RABGAP1L: variants seen among roughly 807,000 people sequenced by gnomAD.
The protein encoded by RABGAP1L is rab GTPase-activating protein 1-like.
A neutral mutation model predicts 137.7 loss-of-function variants in RABGAP1L; 63 were observed. The ratio of observed to expected loss-of-function variants is 0.46; its 90% CI spans 0.37 to 0.56. RABGAP1L has a LOEUF of 0.56. Ranked by LOEUF, RABGAP1L falls within the 20% of genes least tolerant of loss-of-function variation. The pLI is 0.00. For synonymous variants in RABGAP1L, 431 were observed against 433.7 expected (o/e 0.99, Z 0.08); for missense variants, 1,095 against 1,244.0 (o/e 0.88, Z 1.80).
chr1:174,546,264 A>G (rs956201362), intron 13 of RABGAP1L, among the ~76,000 whole-genome samples: 1 of 152,224 alleles, frequency 6.6e-6, no homozygotes, highest in Non-Finnish European at 1.5e-5. Context: ...ACTATAACCA[A>G]GTGGGTGAGA....
intron 17 of RABGAP1L, among the ~76,000 whole-genome samples, chr1:174,749,342 G>GT (rs1260215308): frequency 1.4e-5 from 2 of 147,806 alleles, no homozygotes; most frequent in Non-Finnish European, 3.0e-5. Flanking sequence ...CTTTTTGTTT[G>GT]TTTTTTGAGA....
intron 13 of RABGAP1L, among the ~76,000 whole-genome samples, chr1:174,546,281 A>C (rs917547479): frequency 4.6e-5 from 7 of 152,358 alleles, no homozygotes; most frequent in Non-Finnish European, 8.8e-5. Flanking sequence ...GAGAGAACAT[A>C]TTAGACCACC....
chr1:174,611,416 T>C (rs1475008994), intron 13 of RABGAP1L, among the ~76,000 whole-genome samples: 1 of 151,938 alleles, frequency 6.6e-6, no homozygotes, highest in Non-Finnish European at 1.5e-5. Flanking sequence ...TTGGTCTATA[T>C]CTCTCTTTTG....
chr1:174,646,362 T>G (rs547542368), intron 14 of RABGAP1L, among the ~76,000 whole-genome samples: 25 of 152,302 alleles, frequency 1.6e-4, no homozygotes, highest in African/African-American at 4.8e-4. Context: ...GTTTAAGTCT[T>G]TAATCCATCT....
intron 13 of RABGAP1L, among the ~76,000 whole-genome samples, chr1:174,456,065 A>T (rs566961484): frequency 6.6e-6 from 1 of 152,260 alleles, no homozygotes; most frequent in East Asian, 1.9e-4. Flanking sequence ...TATTTGATAT[A>T]GAAGAAATTC....
intron 13 of RABGAP1L, among the ~76,000 whole-genome samples, chr1:174,560,326 A>G (rs184796272): frequency 3.3e-5 from 5 of 152,218 alleles, no homozygotes; most frequent in Admixed American, 2.0e-4. Flanking sequence ...TGGTAGTCCC[A>G]TATATCAGTT....
At chr1:174,570,035 A>G (rs1050593157) in intron 13 of RABGAP1L, among the ~76,000 whole-genome samples, 2 of 152,194 alleles carry the variant, frequency 1.3e-5, no homozygotes, top group African/African-American at 4.8e-5. Context: ...CTGTAAAACC[A>G]TTGATATAAG....
intron 14 of RABGAP1L, among the ~76,000 whole-genome samples, chr1:174,662,383 C>T (rs535742268): frequency 8.6e-4 from 131 of 151,718 alleles, no homozygotes; most frequent in African/African-American, 2.8e-3. Flanking sequence ...GGATTACAGG[C>T]GTGAGCCACC....
In RABGAP1L at chr1:174,347,497, G is replaced by GTT. The variant is rs1225592282; in HGVS notation, c.1466-23481_1466-23480insTT. ...TGTGTGTGTGTGTGTGTGTGTGTGT[G>GTT]TGTTTTTTTCTTTGAGACTGAGTCT... is the stretch of plus-strand genomic sequence containing the variant. On this transcript the variant is annotated intron_variant, in intron 11 of 25. Coordinates refer to ENST00000681986, the MANE Select transcript of RABGAP1L (RefSeq NM_001366446.1). 2.0e-4 allele frequency among the ~76,000 whole-genome samples: 21 copies of GTT among 105,274 alleles called. No homozygotes were observed. The East Asian group carries it at 0.011, about 53-fold the overall frequency. 69.1% of individuals were successfully genotyped at this position (105,274 alleles called of 152,430 possible).
intron 1 of RABGAP1L, among the ~76,000 whole-genome samples, chr1:174,209,756 C>T (rs753280958): frequency 2.6e-5 from 4 of 152,128 alleles, no homozygotes; most frequent in Non-Finnish European, 2.9e-5. Context: ...CTGCCATAGG[C>T]GGTAGCCAGG....
intron 13 of RABGAP1L, among the ~76,000 whole-genome samples, chr1:174,535,582 T>C (rs1224291361): frequency 6.6e-6 from 1 of 152,230 alleles, no homozygotes; most frequent in African/African-American, 2.4e-5. Context: ...AGTGGAGACA[T>C]CTTAGATCCT....
At chr1:174,221,292 TC>T (rs980384237) in intron 3 of RABGAP1L, 128 bp downstream of exon 3, 5 of 738,184 alleles carry the variant, frequency 6.8e-6, no homozygotes, top group Non-Finnish European at 8.4e-6. Context: ...AGTTTCCACT[TC>T]GGTGTTATGT....
intron 13 of RABGAP1L, among the ~76,000 whole-genome samples, chr1:174,547,078 C>G (rs1666080202): frequency 1.5e-5 from 2 of 132,370 alleles, no homozygotes; most frequent in South Asian, 2.6e-4. Flanking sequence ...TAAATTAACA[C>G]AAGGCCAATA....
At chr1:174,289,671 G>C (rs905516806) in intron 10 of RABGAP1L, among the ~76,000 whole-genome samples, 1 of 152,146 alleles carries the variant, frequency 6.6e-6, no homozygotes, top group Non-Finnish European at 1.5e-5. Context: ...CTGGGCTTCT[G>C]GTTGGGCCAG....
chr1:174,338,532 A>G (rs919417166), intron 11 of RABGAP1L, among the ~76,000 whole-genome samples: 4 of 151,848 alleles, frequency 2.6e-5, no homozygotes, highest in Admixed American at 2.0e-4. Context: ...AAATTTACTG[A>G]AATGTAGTGT....
intron 19 of RABGAP1L, among the ~76,000 whole-genome samples, chr1:174,852,509 T>G (rs1177795110): frequency 1.3e-5 from 2 of 152,190 alleles, no homozygotes; most frequent in Non-Finnish European, 2.9e-5. Context: ...TAAAAAGATT[T>G]ATCTGTGATA....
intron 11 of RABGAP1L, among the ~76,000 whole-genome samples, chr1:174,310,709 A>T (rs919000506): frequency 6.6e-6 from 1 of 151,830 alleles, no homozygotes; most frequent in African/African-American, 2.4e-5. Context: ...GAATTTTTTT[A>T]ATTTTATTTT....
At chr1:174,220,015 TTA>T (rs1234555137) in intron 2 of RABGAP1L, among the ~76,000 whole-genome samples, 2 of 152,206 alleles carry the variant, frequency 1.3e-5, no homozygotes, top group African/African-American at 4.8e-5. Flanking sequence ...TACTAAATGT[TTA>T]TGTTGAGAAT....
chr1:174,228,686 C>T (rs1056067375), intron 3 of RABGAP1L, among the ~76,000 whole-genome samples: 2 of 152,074 alleles, frequency 1.3e-5, no homozygotes, highest in Admixed American at 1.3e-4. Flanking sequence ...ACAAAAAAGT[C>T]AGTGGTGAAG....
Sources: allele counts gnomAD v4.1 joint callset (sites outside exome capture counted in the v4.1 genomes callset), GRCh38; gene constraint gnomAD v4.1.1; transcripts MANE v1.5; gene names NCBI Gene and HGNC (gene_info 2026-07-23, HGNC 2026-07-21).